The following FRMD4A variants were observed in gnomAD, a reference collection of about 807,000 sequenced individuals.
FRMD4A encodes the protein FERM domain-containing protein 4A.
FRMD4A carries 29 observed loss-of-function variants against 129.1 expected under a neutral mutation model. That is an observed-to-expected ratio of 0.22 (90% CI 0.17 to 0.31). The LOEUF (loss-of-function observed/expected upper bound fraction) is 0.31. FRMD4A is among the 10% of genes least tolerant of loss of function. FRMD4A has a pLI of 1.00. For synonymous variants in FRMD4A, 634 were observed against 571.6 expected, an observed-to-expected ratio of 1.11 and a Z score of -1.56; for missense variants, 1,272 against 1,375.8, an observed-to-expected ratio of 0.92 and a Z score of 1.19.
intron 3 of FRMD4A, among the ~76,000 whole-genome samples, chr10:13,851,632 T>C (rs1388920760): frequency 6.6e-6 from 1 of 152,090 alleles, no homozygotes; most frequent in African/African-American, 2.4e-5. Context: ...CCAGGCGTGG[T>C]GGCTCACACC....
chr10:13,657,488 G>T lies in FRMD4A; in HGVS notation c.2101C>A (p.Leu701Ile). ...VDISPTRLHS[L>I]ALHFRHRSSS... Reference sequence around the variant, plus strand: ...CTCCGGTGCCTAAAGTGCAGTGCGAGGCTGTGCAGTCGGGTGGGGCTGATG... The same window carrying T: ...CTCCGGTGCCTAAAGTGCAGTGCGATGCTGTGCAGTCGGGTGGGGCTGATG... The change falls in exon 22 of 25, where the codon CTC becomes ATC. Residue 701 changes from leucine to isoleucine, a missense_variant. Leu to Ile is a conservative substitution (Grantham distance 5). Around this residue, in one of 2 missense-constraint regions of FRMD4A, gnomAD observed 972 missense variants for 892.3 expected, o/e 1.09. Coordinates refer to ENST00000357447, the MANE Select transcript of FRMD4A (RefSeq NM_018027.5). 1 of 1,607,806 alleles carries T rather than the reference G, an allele frequency of 6.2e-7. No individual in the cohort carries two copies. Among genetic ancestry groups the T allele is most frequent in the Non-Finnish European group, 8.5e-7 (1 of 1,179,058 alleles).
In FRMD4A at chr10:13,990,326, G is replaced by A. The variant is rs4565800; in HGVS notation, c.46-131414C>T. Among the ~76,000 whole-genome samples, 5 of 152,102 alleles carry A rather than the reference G, an allele frequency of 3.3e-5. 1 individual carries two copies. In the South Asian group the frequency reaches 1.0e-3, roughly 32 times the overall value. On this transcript the variant is annotated intron_variant, in intron 2 of 24. Transcript: ENST00000357447. ...TCCTGGCCATTTTCTTGGAGAGTGA[G>A]ACCCATCCAGAGGGGAATGTGGGAC...
intron 2 of FRMD4A, among the ~76,000 whole-genome samples, chr10:14,075,778 A>T (rs574076247): frequency 4.6e-5 from 7 of 152,310 alleles, no homozygotes; most frequent in African/African-American, 1.7e-4. Flanking sequence ...GTATATGCAC[A>T]CACACACACA....
At chr10:13,990,627 C>A (rs962710828) in intron 2 of FRMD4A, among the ~76,000 whole-genome samples, 6 of 136,242 alleles carry the variant, frequency 4.4e-5, no homozygotes, top group African/African-American at 1.5e-4. Context: ...CTGAAGCTGT[C>A]ATCAGGGAGC....
At chr10:13,762,806 C>A in intron 6 of FRMD4A, 126 bp from the exon 7 acceptor site, 3 of 659,042 alleles carry the variant, frequency 4.6e-6, no homozygotes. Flanking sequence ...CCAGCCTGGG[C>A]AACATAATGA....
chr10:13,875,405 T>TC (rs1040552176), intron 2 of FRMD4A, among the ~76,000 whole-genome samples: 1 of 152,098 alleles, frequency 6.6e-6, no homozygotes, highest in African/African-American at 2.4e-5. Context: ...TCCATGTATT[T>TC]CCCCCCAGTG....
chr10:13,938,719 GAGGACATTTGGCAACATC>G (rs1485066434), intron 2 of FRMD4A, among the ~76,000 whole-genome samples: 17 of 152,298 alleles, frequency 1.1e-4, no homozygotes, highest in Admixed American at 1.0e-3. Context: ...CCAGCCAGTG[GAGGACATTTGGCAACATC>G]AGGAGATATG....
Position 14,301,850 on chromosome 10 carries a change from T to A in FRMD4A, c.45+28208A>T, listed in dbSNP as rs148936074. Among the ~76,000 whole-genome samples, 611 of 152,096 alleles carry A rather than the reference T, an allele frequency of 4.0e-3. 5 individuals are homozygous for A. The highest frequency in any genetic ancestry group is 0.014 in the African/African-American group (563 of 41,484). On this transcript the variant is annotated intron_variant, in intron 2 of 24. Coordinates refer to ENST00000357447, the MANE Select transcript of FRMD4A (RefSeq NM_018027.5). ...GCTTGTGATTTTTTTCAAAGGTAAA[T>A]AGAAATTGCCTGAAGAGTAGGCTGT...
At chr10:14,111,185 T>C (rs185723363) in intron 2 of FRMD4A, among the ~76,000 whole-genome samples, 225 of 152,372 alleles carry the variant, frequency 1.5e-3, no homozygotes, top group African/African-American at 5.2e-3. Context: ...TTCTGCTTTC[T>C]GTCTCTGCGA....
intron 2 of FRMD4A, among the ~76,000 whole-genome samples, chr10:13,920,173 C>CCACT: frequency 6.6e-6 from 1 of 152,140 alleles, no homozygotes; most frequent in Non-Finnish European, 1.5e-5. Context: ...AATCACAGAG[C>CCACT]CACTCCAAAT....
intron 2 of FRMD4A, among the ~76,000 whole-genome samples, chr10:14,230,501 A>T (rs1843601723): frequency 6.6e-6 from 1 of 152,224 alleles, no homozygotes. Context: ...GTAGATGCTC[A>T]GCCCATATTA....
intron 12 of FRMD4A, among the ~76,000 whole-genome samples, chr10:13,710,993 G>A (rs1262114938): frequency 6.6e-6 from 1 of 152,154 alleles, no homozygotes; most frequent in Non-Finnish European, 1.5e-5. Flanking sequence ...CAGCCTGGGC[G>A]ACACAGCAAG....
chr10:14,292,674 C>A (rs1845885327), intron 2 of FRMD4A, among the ~76,000 whole-genome samples: 1 of 152,026 alleles, frequency 6.6e-6, no homozygotes, highest in Non-Finnish European at 1.5e-5. Context: ...GTGGTGGGCA[C>A]CTGTAGTCCC....
chr10:13,827,472 A>G (rs1429167694), intron 3 of FRMD4A, among the ~76,000 whole-genome samples: 2 of 152,164 alleles, frequency 1.3e-5, no homozygotes, highest in Non-Finnish European at 2.9e-5. Flanking sequence ...TTTGGAGGCG[A>G]TGTTTTATTA....
chr10:13,913,273 G>A (rs770107277), intron 2 of FRMD4A, among the ~76,000 whole-genome samples: 3 of 152,090 alleles, frequency 2.0e-5, no homozygotes, highest in Non-Finnish European at 2.9e-5. Flanking sequence ...TTTTCCTAGG[G>A]ACAAAGGGAT....
chr10:13,931,792 A>C (rs923180022), intron 2 of FRMD4A, among the ~76,000 whole-genome samples: 6 of 151,286 alleles, frequency 4.0e-5, no homozygotes, highest in African/African-American at 1.2e-4. Flanking sequence ...AAAAAAAAAA[A>C]ATAGAAAATA....
chr10:14,168,388 CCA>C (rs1233286719), intron 2 of FRMD4A, among the ~76,000 whole-genome samples: 1 of 152,312 alleles, frequency 6.6e-6, no homozygotes, highest in East Asian at 1.9e-4. Flanking sequence ...TTTGCTGAAT[CCA>C]CAGTCTCTTC....
At chr10:13,997,860 G>T (rs1411065898) in intron 2 of FRMD4A, among the ~76,000 whole-genome samples, 2 of 152,058 alleles carry the variant, frequency 1.3e-5, no homozygotes, top group Non-Finnish European at 2.9e-5. Flanking sequence ...CAAGTGATCT[G>T]CTCACCTCTA....
chr10:14,271,314 T>C (rs887686734), intron 2 of FRMD4A, among the ~76,000 whole-genome samples: 2 of 152,258 alleles, frequency 1.3e-5, no homozygotes, highest in African/African-American at 4.8e-5. Flanking sequence ...TACCCCATTA[T>C]TCCAGGTCCG....
Sources: allele counts gnomAD v4.1 joint callset (sites outside exome capture counted in the v4.1 genomes callset), GRCh38; gene constraint gnomAD v4.1.1; regional missense constraint gnomAD v4.1.1; transcripts MANE v1.5; gene names NCBI Gene and HGNC (gene_info 2026-07-23, HGNC 2026-07-21).